The following RPH3A variants were observed in gnomAD, a reference collection of about 807,000 sequenced individuals.
RPH3A encodes rabphilin-3A.
RPH3A carries 48 observed loss-of-function variants against 102.2 expected under a neutral mutation model. That is an observed-to-expected ratio of 0.47 (90% CI 0.37 to 0.60). The LOEUF is 0.60. Among genes scored for constraint, RPH3A ranks in the 20% least tolerant of loss-of-function variants. The pLI, the probability that RPH3A is intolerant of heterozygous loss-of-function variation, is 0.00. For missense variants in RPH3A, 781 were observed against 910.1 expected, an observed-to-expected ratio of 0.86 and a Z score of 1.83; for synonymous variants, 310 against 324.3, an observed-to-expected ratio of 0.96 and a Z score of 0.47.
chr12:112,716,218 T>A (rs910331040), intron 1 of RPH3A, among the ~76,000 whole-genome samples: 3 of 152,194 alleles, frequency 2.0e-5, no homozygotes, highest in Non-Finnish European at 4.4e-5. Flanking sequence ...TATCTCATCT[T>A]GTGACTTAGA....
chr12:112,634,919 A>C lies in RPH3A; in HGVS notation c.-140+59600A>C, dbSNP rs962304587. 2.0e-5 allele frequency among the ~76,000 whole-genome samples: 3 copies of C among 152,314 alleles called. No individual in the cohort carries two copies. The South Asian group carries it at 6.2e-4, about 32-fold the overall frequency. On this transcript the variant is annotated intron_variant, in intron 1 of 21. Coordinates refer to the RPH3A transcript ENST00000543106. ...TGAAAATATTTAACTAGAATTTTAC[A>C]TCATTTTGTTTCCATTGTTTTTACA...
chr12:112,898,623 C>G lies in RPH3A; in HGVS notation c.*1843C>G, dbSNP rs1265671696. ...CCATTAGTCCCTGGTGGCACCTACTCTCAGCCCACCTCCCTCACCACAGTT... is the reference window on the plus strand; with the variant it reads ...CCATTAGTCCCTGGTGGCACCTACTGTCAGCCCACCTCCCTCACCACAGTT... On this transcript the variant is annotated 3_prime_UTR_variant, in exon 22 of 22. Coordinates refer to ENST00000389385, the MANE Select transcript of RPH3A (RefSeq NM_001143854.2). 1.3e-5 allele frequency: 2 copies of G among 152,284 alleles called. No homozygotes were observed. Among genetic ancestry groups the G allele is most frequent in the Non-Finnish European group, 2.9e-5 (2 of 68,092 alleles). 9.4% of individuals were successfully genotyped at this position (152,284 alleles called of 1,614,324 possible).
intron 1 of RPH3A, among the ~76,000 whole-genome samples, chr12:112,616,178 G>T (rs990248608): frequency 6.6e-6 from 1 of 151,978 alleles, no homozygotes; most frequent in African/African-American, 2.4e-5. Flanking sequence ...ACAGAATCTT[G>T]CTCTGTCACT....
intron 1 of RPH3A, among the ~76,000 whole-genome samples, chr12:112,750,475 G>A (rs924723364): frequency 3.3e-5 from 5 of 152,178 alleles, no homozygotes; most frequent in Admixed American, 3.3e-4. Context: ...TCTAAGGAGT[G>A]AGGGAGCTGG....
intron 2 of RPH3A, among the ~76,000 whole-genome samples, chr12:112,799,465 C>T (rs867720016): frequency 1.8e-4 from 28 of 152,130 alleles, no homozygotes; most frequent in African/African-American, 6.5e-4. Context: ...ATCTTACCTC[C>T]AAGCCAAATG....
At chr12:112,799,723 G>A (rs1271780664) in intron 2 of RPH3A, among the ~76,000 whole-genome samples, 3 of 152,168 alleles carry the variant, frequency 2.0e-5, no homozygotes, top group Non-Finnish European at 4.4e-5. Context: ...TGATCACCCA[G>A]CTAGTTATTC....
chr12:112,590,279 G>T (rs1055644824), intron 1 of RPH3A, among the ~76,000 whole-genome samples: 13 of 152,262 alleles, frequency 8.5e-5, no homozygotes, highest in African/African-American at 3.1e-4. Flanking sequence ...GGCACAGCTG[G>T]AGTGGCATTT....
chr12:112,747,388 T>C (rs967133155), intron 1 of RPH3A, among the ~76,000 whole-genome samples: 8 of 152,184 alleles, frequency 5.3e-5, no homozygotes, highest in Non-Finnish European at 8.8e-5. Context: ...ACATCAAATC[T>C]GCTGGTGCTT....
At chr12:112,758,853 C>T (rs2040836785) in intron 1 of RPH3A, among the ~76,000 whole-genome samples, 1 of 152,152 alleles carries the variant, frequency 6.6e-6, no homozygotes, top group Admixed American at 6.5e-5. Flanking sequence ...TAATATGTGC[C>T]TTACAGATGG....
intron 1 of RPH3A, among the ~76,000 whole-genome samples, chr12:112,616,537 T>C (rs1322190621): frequency 6.6e-6 from 1 of 152,178 alleles, no homozygotes; most frequent in Non-Finnish European, 1.5e-5. Context: ...CAATAATACC[T>C]TAATTCCAAG....
In RPH3A at chr12:112,694,681, CACAGAG is replaced by C. The variant is rs753898349; in HGVS notation, c.-139-97460_-139-97455del. Among the ~76,000 whole-genome samples the C allele has an allele frequency of 9.4e-4, 132 of 139,882 alleles. 2 individuals carry two copies. In the East Asian group the frequency reaches 0.014, roughly 14 times the overall value. The allele number at this position is 139,882 out of a possible 152,430, so 91.8% of individuals were successfully genotyped here. ...ACACACACACACACACACACACACA[CACAGAG>C]AGAGAGAGAGAGAGATTCTGTTTAC... On this transcript the variant is annotated intron_variant, in intron 1 of 21. Transcript: ENST00000543106.
intron 1 of RPH3A, among the ~76,000 whole-genome samples, chr12:112,595,995 C>G (rs11833061): frequency 0.02 from 2,980 of 152,194 alleles, 105 homozygotes; most frequent in African/African-American, 0.068. Flanking sequence ...CTCCATAGAC[C>G]ATGACACATC....
At chr12:112,637,307 T>C (rs1252403175) in intron 1 of RPH3A, among the ~76,000 whole-genome samples, 6 of 152,172 alleles carry the variant, frequency 3.9e-5, no homozygotes, top group African/African-American at 1.4e-4. Context: ...ATGCCAAACA[T>C]GTGCAAAAGT....
At chr12:112,762,070 A>T (rs1419491804) in intron 1 of RPH3A, among the ~76,000 whole-genome samples, 1 of 152,230 alleles carries the variant, frequency 6.6e-6, no homozygotes, top group Non-Finnish European at 1.5e-5. Flanking sequence ...GAATCAGTGG[A>T]AAGTATCTAT....
intron 1 of RPH3A, among the ~76,000 whole-genome samples, chr12:112,747,277 C>G (rs776212816): frequency 3.3e-5 from 5 of 152,152 alleles, no homozygotes; most frequent in African/African-American, 7.2e-5. Context: ...GGGATTAGTG[C>G]TCTTATGAAA....
At chr12:112,734,715 G>A (rs187418131) in intron 1 of RPH3A, among the ~76,000 whole-genome samples, 134 of 152,330 alleles carry the variant, frequency 8.8e-4, no homozygotes, top group African/African-American at 3.2e-3. Flanking sequence ...TCCCAGAACT[G>A]AGGGTTCCTC....
At chr12:112,859,491 C>T (rs1366866945) in intron 5 of RPH3A, among the ~76,000 whole-genome samples, 2 of 152,168 alleles carry the variant, frequency 1.3e-5, no homozygotes, top group African/African-American at 4.8e-5. Context: ...CCCTCACTGC[C>T]TGGTGATTAT....
chr12:112,883,532 T>A, intron 16 of RPH3A, 130 bp downstream of exon 16: 1 of 655,360 alleles, frequency 1.5e-6, no homozygotes, highest in Non-Finnish European at 2.7e-6. Context: ...TTTTCCTTCT[T>A]GTTTACTTTT....
In RPH3A at chr12:112,865,414, A is replaced by G. The variant is rs769320565; in HGVS notation, c.231A>G (p.Gly77=). ...TTATTTACCTTGTCTCTGCTTCCAGACGCCTGGTGGACCGCCTAGAAAACA... is the reference window on the plus strand; with the variant it reads ...TTATTTACCTTGTCTCTGCTTCCAGGCGCCTGGTGGACCGCCTAGAAAACA... ...KMEEMEQERI[G]RLVDRLENMR... is the part of the protein sequence containing the mutation. Residue 77 remains glycine, a splice_region_variant and synonymous_variant, in exon 6 of 22, where the codon GGA becomes GGG. Transcript: ENST00000389385. 5.6e-6 allele frequency: 9 copies of G among 1,613,766 alleles called. No homozygotes were observed. The highest frequency in any genetic ancestry group is 7.6e-6 in the Non-Finnish European group (9 of 1,179,866).
Sources: allele counts gnomAD v4.1 joint callset (sites outside exome capture counted in the v4.1 genomes callset), GRCh38; gene constraint gnomAD v4.1.1; transcripts MANE v1.5; gene names NCBI Gene and HGNC (gene_info 2026-07-23, HGNC 2026-07-21).